Variants in DCAF11 observed in about 807,000 individuals in gnomAD.
DCAF11 encodes the protein DDB1 and CUL4 associated factor 11.
A neutral mutation model predicts 76.1 loss-of-function variants in DCAF11; 44 were observed. The ratio of observed to expected loss-of-function variants is 0.58; its 90% confidence interval spans 0.45 to 0.74. DCAF11 has a LOEUF of 0.74. Ranked by LOEUF, DCAF11 falls within the 30% of genes least tolerant of loss-of-function variation. DCAF11 has a pLI of 0.00. For synonymous variants in DCAF11, 258 were observed against 255.0 expected (o/e 1.01, Z -0.11); for missense variants, 604 against 709.4 (o/e 0.85, Z 1.69).
At position 24,118,112 on chromosome 14, in the gene DCAF11, C is replaced by A; in HGVS notation, c.534C>A (p.Gly178=). The A allele has an allele frequency of 6.2e-7, 1 of 1,613,162 alleles. No homozygotes were observed. The highest frequency in any genetic ancestry group is 8.5e-7 in the Non-Finnish European group (1 of 1,179,702). ...GCTACTCTCAGAAGGCTTTCTGTGG[C>A]ATCTACAGCAAAGATGGTCAAATAT... ...TDSYSQKAFC[G]IYSKDGQIFM... The change falls in exon 6 of 15, where the codon GGC becomes GGA. Residue 178 remains glycine (G), a synonymous_variant. Transcript: ENST00000446197.
intron 2 of DCAF11, among the ~76,000 whole-genome samples, chr14:24,116,231 G>T (rs916916976): frequency 6.6e-6 from 1 of 152,202 alleles, no homozygotes; most frequent in African/African-American, 2.4e-5. Flanking sequence ...TGAAGGGAGA[G>T]ACCACCTGGA....
At chr14:24,122,472 A>G (rs182452307) in intron 13 of DCAF11, among the ~76,000 whole-genome samples, 32 of 150,128 alleles carry the variant, frequency 2.1e-4, no homozygotes, top group Non-Finnish European at 2.8e-4. Context: ...CCTGGGCAAC[A>G]AGAGCGAGAC....
rs1331072420 is a variant in DCAF11 at position 24,114,994 on chromosome 14, A to T, written c.-513A>T. On this transcript the variant is annotated 5_prime_UTR_variant, in exon 1 of 15. The change abolishes an upstream ATG in the 5' untranslated region. Transcript: ENST00000446197. Reference sequence around the variant, plus strand: ...GGTGCTTCTCGGCTTCCTCCCCCTCATGGCGTACACACCCCCGGCGCACCA... The same window carrying T: ...GGTGCTTCTCGGCTTCCTCCCCCTCTTGGCGTACACACCCCCGGCGCACCA... The T allele has an allele frequency of 1.0e-6, 1 of 985,814 alleles. No individual in the cohort carries two copies. Among genetic ancestry groups the T allele is most frequent in the Admixed American group, 6.1e-5 (1 of 16,266 alleles). The allele number at this position is 985,814 out of a possible 1,614,324, so 61.1% of individuals were successfully genotyped here.
rs369266288 is a variant in DCAF11, at chr14:24,119,610, C to T, written c.900C>T (p.Thr300=). The change falls in exon 10 of 15, where the codon ACC becomes ACT. Residue 300 remains threonine, a synonymous_variant. Coordinates refer to ENST00000446197, the MANE Select transcript of DCAF11 (RefSeq NM_025230.5). ...YVFDREQNRR[T]LQIESHEDDV... ...TTGACCGAGAACAGAACCGGCGCAC[C>T]CTTCAGGTATGGCTCCTGAGATAGA... 5.1e-5 allele frequency: 82 copies of T among 1,614,058 alleles called. No individual in the cohort carries two copies. The African/African-American group carries it at 9.5e-4, about 19-fold the overall frequency.
chr14:24,117,283 A>T lies in DCAF11; in HGVS notation c.301A>T (p.Thr101Ser). 6.2e-7 allele frequency: 1 copy of T among 1,614,140 alleles called. No individual in the cohort carries two copies. The highest frequency in any genetic ancestry group is 1.1e-5 in the South Asian group (1 of 91,084). ...ACTCACAGTGGATGCTACCCCTGAC[A>T]CCCGGGAGCTGGAATTCAATGAGAT... ...YNPPVDATPD[T>S]RELEFNEIKT... Residue 101 changes from threonine to serine, a missense_variant, in exon 4 of 15, where the codon ACC (threonine) becomes TCC (serine). Coordinates refer to ENST00000446197, the MANE Select transcript of DCAF11 (RefSeq NM_025230.5). The surrounding 1 kb of genome is among the most constrained non-coding windows in gnomAD (Gnocchi z 4.3).
intron 9 of DCAF11, 82 bp downstream of exon 9, chr14:24,119,295 A>G: frequency 6.4e-7 from 1 of 1,551,502 alleles, no homozygotes; most frequent in Non-Finnish European, 8.9e-7. Flanking sequence ...CACAGATGGC[A>G]CTGGCAGCTG....
At position 24,118,102 on chromosome 14, in the gene DCAF11, C is replaced by T; in HGVS notation, c.524C>T (p.Ala175Val). The change falls in exon 6 of 15, where the codon GCT (alanine) becomes GTT (valine). Residue 175 changes from alanine to valine, a missense_variant. Transcript: ENST00000446197. ...TTCACTGATAGCTACTCTCAGAAGGCTTTCTGTGGCATCTACAGCAAAGAT... is the reference window on the plus strand; with the variant it reads ...TTCACTGATAGCTACTCTCAGAAGGTTTTCTGTGGCATCTACAGCAAAGAT... Reference protein sequence around the residue: ...LGFTDSYSQKAFCGIYSKDGQ... With the variant: ...LGFTDSYSQKVFCGIYSKDGQ... The T allele has an allele frequency of 3.1e-6, 5 of 1,613,128 alleles. No homozygotes were observed. Among genetic ancestry groups the T allele is most frequent in the Non-Finnish European group, 4.2e-6 (5 of 1,179,740 alleles).
intron 11 of DCAF11, among the ~76,000 whole-genome samples, chr14:24,120,338 C>T (rs139790081): frequency 0.022 from 3,377 of 152,038 alleles, 117 homozygotes; most frequent in African/African-American, 0.078. Flanking sequence ...GGGCAGATCA[C>T]GAGGTCAGGA....
Position 24,117,291 on chromosome 14 carries a change from G to A in DCAF11, c.309G>A (p.Glu103=). The A allele has an allele frequency of 6.2e-7, 1 of 1,614,228 alleles. No homozygotes were observed. The highest frequency in any genetic ancestry group is 8.5e-7 in the Non-Finnish European group (1 of 1,180,038). ...PPVDATPDTR[E]LEFNEIKTQV... Reference sequence around the variant, plus strand: ...TGGATGCTACCCCTGACACCCGGGAGCTGGAATTCAATGAGATCAAGACAC... The same window carrying A: ...TGGATGCTACCCCTGACACCCGGGAACTGGAATTCAATGAGATCAAGACAC... The change falls in exon 4 of 15, where the codon GAG becomes GAA. Residue 103 remains glutamate, a synonymous_variant. Coordinates refer to ENST00000446197, the MANE Select transcript of DCAF11 (RefSeq NM_025230.5). The surrounding 1 kb of genome is among the most constrained non-coding windows in gnomAD (Gnocchi z 4.3).
At position 24,118,360 on chromosome 14, in the gene DCAF11, T is replaced by C. The variant is rs771781591; in HGVS notation, c.578-28T>C. The C allele has an allele frequency of 1.9e-6, 3 of 1,612,574 alleles. No individual in the cohort carries two copies. In the East Asian group the frequency reaches 6.7e-5, roughly 36 times the overall value. ...GAAAAGTTACAAGGAAACTGTCCCA[T>C]AATTCTGCCTGATCTTTACTTACAC... On this transcript the variant is annotated intron_variant, in intron 6 of 14. Coordinates refer to ENST00000446197, the MANE Select transcript of DCAF11 (RefSeq NM_025230.5).
intron 8 of DCAF11, 129 bp downstream of exon 8, chr14:24,118,933 G>T: frequency 8.4e-7 from 1 of 1,193,578 alleles, no homozygotes; most frequent in East Asian, 2.3e-5. Context: ...TGCATTCCTG[G>T]GAGGGAAGCA....
At chr14:24,119,062 T>A in intron 8 of DCAF11, 83 bp from the exon 9 acceptor site, 1 of 1,563,622 alleles carries the variant, frequency 6.4e-7, no homozygotes, top group Non-Finnish European at 8.8e-7. Context: ...CCTGGGGATG[T>A]GCCTTACAAC....
chr14:24,120,740 G>A lies in DCAF11; in HGVS notation c.1093-98G>A. 4.1e-6 allele frequency: 6 copies of A among 1,458,390 alleles called. No homozygotes were observed. In the South Asian group the frequency reaches 7.7e-5, roughly 19 times the overall value. 90.3% of individuals were successfully genotyped at this position (1,458,390 alleles called of 1,614,324 possible). A position where few individuals can be genotyped will look rare whatever the true frequency, so the allele number is the denominator to read the frequency against. On this transcript the variant is annotated intron_variant, in intron 11 of 14. Transcript: ENST00000446197. ...TGAAGAGAGGCAAGTAAAGCCAGAG[G>A]CCAGAGTTCTTCTGCTCAACTAGAG... is the stretch of plus-strand genomic sequence containing the variant.
rs140993634 is a variant in DCAF11, at chr14:24,122,738, A to T, written c.1400-233A>T. ...ATTTCCTTAACTGTAGCCCCTATGAAATTTAGCTAAGGGCCAGACATACCC... is the reference window on the plus strand; with the variant it reads ...ATTTCCTTAACTGTAGCCCCTATGATATTTAGCTAAGGGCCAGACATACCC... On this transcript the variant is annotated intron_variant, in intron 13 of 14. Transcript: ENST00000446197. Among the ~76,000 whole-genome samples the T allele has an allele frequency of 2.8e-4, 42 of 152,276 alleles. No individual in the cohort carries two copies. The East Asian group carries it at 6.6e-3, about 24-fold the overall frequency.
chr14:24,122,885 A>G, intron 13 of DCAF11, 86 bp from the exon 14 acceptor site: 1 of 1,202,130 alleles, frequency 8.3e-7, no homozygotes, highest in Non-Finnish European at 1.2e-6. Flanking sequence ...CCTGAGAGGC[A>G]GGTCAGTGGT....
rs372416256 is a variant in DCAF11, at chr14:24,117,661, C to T, written c.412-7C>T. The T allele has an allele frequency of 4.7e-5, 76 of 1,613,876 alleles. 1 individual carries two copies. In the African/African-American group the frequency reaches 7.2e-4, roughly 15 times the overall value. Reference sequence around the variant, plus strand: ...GCTAGCAATATTCCCCAATCCCTTCCATTTAGAGAGAACGGGGCCTCTGCC... The same window carrying T: ...GCTAGCAATATTCCCCAATCCCTTCTATTTAGAGAGAACGGGGCCTCTGCC... On this transcript the variant is annotated splice_polypyrimidine_tract_variant and splice_region_variant and intron_variant, in intron 4 of 14. Transcript: ENST00000446197. This position sits in a 1 kb window ranked among gnomAD's most constrained non-coding sequence, Gnocchi z 4.3.
intron 9 of DCAF11, 168 bp downstream of exon 9, chr14:24,119,381 C>T (rs1361005291): frequency 1.3e-5 from 16 of 1,187,426 alleles, no homozygotes; most frequent in African/African-American, 4.6e-5. Flanking sequence ...TTCCCCAGCA[C>T]GAGATTGGAG....
At chr14:24,121,112 C>T in intron 12 of DCAF11, 121 bp downstream of exon 12, 1 of 1,407,858 alleles carries the variant, frequency 7.1e-7, no homozygotes, top group African/African-American at 1.4e-5. Flanking sequence ...GATGGAATGG[C>T]CAGAGGTTCC....
In DCAF11 at chr14:24,114,808, C is replaced by G; in HGVS notation, c.-699C>G. 1 of 985,980 alleles carries G rather than the reference C, an allele frequency of 1.0e-6. No homozygotes were observed. Among genetic ancestry groups the G allele is most frequent in the Non-Finnish European group, 1.2e-6 (1 of 829,960 alleles). The allele number at this position is 985,980 out of a possible 1,614,324, so 61.1% of individuals were successfully genotyped here. On this transcript the variant is annotated 5_prime_UTR_variant, in exon 1 of 15. Coordinates refer to ENST00000446197, the MANE Select transcript of DCAF11 (RefSeq NM_025230.5). ...CGTTTGCAGCCCGCCGGCCAGGAAG[C>G]CGCGAGATGCGTGACGAGCGAAGCG...
Sources: gnomAD v4.1 joint callset for allele counts (sites outside exome capture counted in the v4.1 genomes callset) on GRCh38, gnomAD v4.1.1 for gene constraint, Gnocchi (gnomAD v3.1) non-coding constraint, MANE v1.5 for transcripts, NCBI Gene and HGNC (gene_info 2026-07-23, HGNC 2026-07-21) for gene names.